Variants in SLC44A3 observed in about 807,000 individuals in gnomAD.
SLC44A3 encodes the protein solute carrier family 44 member 3.
SLC44A3 carries 74 observed loss-of-function variants against 75.4 expected under a neutral mutation model. The ratio of observed to expected loss-of-function variants is 0.98; its 90% CI spans 0.81 to 1.19. SLC44A3 has a LOEUF of 1.19. Ranked by LOEUF, SLC44A3 falls within the 50% of genes most tolerant of loss-of-function variation. SLC44A3 has a pLI of 0.00. For synonymous variants in SLC44A3, 310 were observed against 296.9 expected (o/e 1.04, Z -0.45); for missense variants, 700 against 778.6 (o/e 0.90, Z 1.20).
intron 12 of SLC44A3, among the ~76,000 whole-genome samples, chr1:94,874,277 G>A (rs1273101559): frequency 6.6e-6 from 1 of 152,198 alleles, no homozygotes. Flanking sequence ...AAGCTGCCAG[G>A]CATATGGCTG....
chr1:94,841,881 G>A (rs1663694241), intron 7 of SLC44A3, 119 bp from the exon 8 acceptor site: 1 of 1,375,886 alleles, frequency 7.3e-7, no homozygotes, highest in Non-Finnish European at 9.7e-7. Flanking sequence ...GGGACCCACT[G>A]CCAGAGCAGT....
chr1:94,856,407 C>T (rs1665880770), intron 9 of SLC44A3, among the ~76,000 whole-genome samples: 1 of 152,260 alleles, frequency 6.6e-6, no homozygotes, highest in Middle Eastern at 3.4e-3. Flanking sequence ...GGGATCTGAA[C>T]CTGGGAAGGT....
chr1:94,889,553 C>CACACACACACACA (rs370393089), intron 12 of SLC44A3, among the ~76,000 whole-genome samples: 1,826 of 149,514 alleles, frequency 0.012, 20 homozygotes, highest in Middle Eastern at 0.035. Context: ...CACACACACA[C>CACACACACACACA]ATTTGTAGTC....
At chr1:94,872,411 C>CTTTT (rs397795189) in intron 12 of SLC44A3, among the ~76,000 whole-genome samples, 3 of 147,792 alleles carry the variant, frequency 2.0e-5, no homozygotes, top group Admixed American at 6.8e-5. Flanking sequence ...TTTATTCATT[C>CTTTT]TTTTTTTTTT....
At chr1:94,823,200 C>T (rs1218152309) in intron 2 of SLC44A3, among the ~76,000 whole-genome samples, 1 of 152,188 alleles carries the variant, frequency 6.6e-6, no homozygotes, top group African/African-American at 2.4e-5. Context: ...TGACCCCTTT[C>T]CTCCCTCTAA....
At chr1:94,879,953 G>A (rs1033754558) in intron 12 of SLC44A3, among the ~76,000 whole-genome samples, 1 of 151,990 alleles carries the variant, frequency 6.6e-6, no homozygotes, top group African/African-American at 2.4e-5. Context: ...ATTAGGAAAA[G>A]GTAAATCAAA....
intron 5 of SLC44A3, among the ~76,000 whole-genome samples, chr1:94,836,426 A>G (rs1376623296): frequency 1.3e-5 from 2 of 152,198 alleles, no homozygotes; most frequent in African/African-American, 4.8e-5. Flanking sequence ...CTATCCATTT[A>G]TTGAGCACCC....
chr1:94,828,733 T>G, intron 5 of SLC44A3, 147 bp downstream of exon 5: 1 of 614,962 alleles, frequency 1.6e-6, no homozygotes, highest in Non-Finnish European at 2.8e-6. Flanking sequence ...AGGCCAGCGA[T>G]AAAAACATGG....
rs554604502 is a variant in SLC44A3 at position 94,830,573 on chromosome 1, G to T, written c.509+1987G>T. Among the ~76,000 whole-genome samples, 13 of 152,044 alleles carry T rather than the reference G, an allele frequency of 8.6e-5. 1 individual carries two copies. Among genetic ancestry groups the T allele is most frequent in the Admixed American group, 8.5e-4 (13 of 15,262 alleles). On this transcript the variant is annotated intron_variant, in intron 5 of 14. Transcript: ENST00000271227. ...TGTGTTTATGATATTTTACATTCTG[G>T]TAAAATGTAAGGTATCATAAACACA... is the stretch of plus-strand genomic sequence containing the variant.
chr1:94,869,393 CAGT>C (rs977190422), intron 12 of SLC44A3, among the ~76,000 whole-genome samples: 3 of 152,346 alleles, frequency 2.0e-5, no homozygotes, highest in Non-Finnish European at 4.4e-5. Flanking sequence ...TGTAGTGAGT[CAGT>C]GGTGCAAACA....
chr1:94,879,929 C>T (rs12758601), intron 12 of SLC44A3, among the ~76,000 whole-genome samples: 23,336 of 151,916 alleles, frequency 0.15, 2,127 homozygotes, highest in Non-Finnish European at 0.21. Flanking sequence ...AAAAGACACT[C>T]GATATCACTA....
intron 11 of SLC44A3, among the ~76,000 whole-genome samples, chr1:94,866,482 G>A (rs1033952880): frequency 6.6e-6 from 1 of 152,148 alleles, no homozygotes; most frequent in African/African-American, 2.4e-5. Context: ...TTCCTCAGCA[G>A]CCTTACTGCC....
chr1:94,871,530 C>A (rs924778207), intron 12 of SLC44A3, among the ~76,000 whole-genome samples: 1 of 152,188 alleles, frequency 6.6e-6, no homozygotes, highest in African/African-American at 2.4e-5. Flanking sequence ...CTGTTTCTTA[C>A]CAGGTCTGCA....
At chr1:94,869,847 G>C (rs1326546307) in intron 12 of SLC44A3, among the ~76,000 whole-genome samples, 4 of 152,186 alleles carry the variant, frequency 2.6e-5, no homozygotes, top group African/African-American at 9.7e-5. Flanking sequence ...CTGGAAATCA[G>C]ATTTAAAAAG....
intron 12 of SLC44A3, among the ~76,000 whole-genome samples, chr1:94,878,267 AAAAC>A (rs921602800): frequency 8.6e-4 from 131 of 152,002 alleles, no homozygotes; most frequent in African/African-American, 3.0e-3. Context: ...AAACAAAAAA[AAAAC>A]AGAGAAACTT....
intron 8 of SLC44A3, 24 bp downstream of exon 8, chr1:94,842,148 A>G: frequency 1.9e-6 from 3 of 1,576,694 alleles, no homozygotes; most frequent in East Asian, 2.3e-5. Context: ...TTCTAGCAGT[A>G]GGTCAGGTAG....
chr1:94,853,544 T>C (rs1348739837), intron 9 of SLC44A3, among the ~76,000 whole-genome samples: 1 of 152,192 alleles, frequency 6.6e-6, no homozygotes, highest in Non-Finnish European at 1.5e-5. Context: ...TTAGAAAGAA[T>C]GGGATCTGGT....
At chr1:94,877,577 G>C (rs938976064) in intron 12 of SLC44A3, among the ~76,000 whole-genome samples, 1 of 152,132 alleles carries the variant, frequency 6.6e-6, no homozygotes, top group Non-Finnish European at 1.5e-5. Context: ...TCCATTGAGA[G>C]TCCCATCTCT....
intron 12 of SLC44A3, among the ~76,000 whole-genome samples, chr1:94,882,165 G>A (rs780391179): frequency 9.9e-5 from 15 of 152,204 alleles, no homozygotes; most frequent in Non-Finnish European, 2.1e-4. Flanking sequence ...CTGCGTATTA[G>A]GTAGGTATTA....
Sources: gnomAD v4.1 joint callset for allele counts (sites outside exome capture counted in the v4.1 genomes callset) on GRCh38, gnomAD v4.1.1 for gene constraint, MANE v1.5 for transcripts, NCBI Gene and HGNC (gene_info 2026-07-23, HGNC 2026-07-21) for gene names.